Variants in HOXC5 observed in about 807,000 individuals in gnomAD.
The protein encoded by HOXC5 is homeobox protein Hox-C5.
A neutral mutation model predicts 20.1 loss-of-function variants in HOXC5; 19 were observed. The observed-to-expected ratio is 0.94, with a 90% CI of 0.66 to 1.38. The LOEUF (loss-of-function observed/expected upper bound fraction) is 1.38, where lower values mean the gene tolerates loss of function less well. HOXC5 is among the 40% of genes most tolerant of loss of function. The probability of loss-of-function intolerance (pLI) is 0.00; values close to 1 mark genes in which losing one functional copy is unlikely to be tolerated. For synonymous variants in HOXC5, 124 were observed against 117.0 expected (o/e 1.06, Z -0.39); for missense variants, 330 against 300.1 (o/e 1.10, Z -0.74).
At chr12:54,033,014 C>G, upstream of HOXC5, 1 of 805,982 alleles carries the variant, frequency 1.2e-6, no homozygotes, top group African/African-American at 1.7e-5. Context: ...AGAGATATCT[C>G]CACCTATAAA....
chr12:54,034,669 T>C lies in HOXC5; in HGVS notation c.*177T>C, dbSNP rs1941134291. On this transcript the variant is annotated 3_prime_UTR_variant, in exon 2 of 2. Coordinates refer to ENST00000312492, the MANE Select transcript of HOXC5 (RefSeq NM_018953.4). ...ATTCCGCATCCCTACCGACCCAGGG[T>C]TCCCGCGGGGCTGTCGGCGCTGCCC... 5 of 592,418 alleles carry C rather than the reference T, an allele frequency of 8.4e-6. No individual in the cohort carries two copies. In the Admixed American group the frequency reaches 1.5e-4, roughly 18 times the overall value. The allele number at this position is 592,418 out of a possible 1,614,324, so 36.7% of individuals were successfully genotyped here.
Position 54,034,835 on chromosome 12 carries a change from G to C in HOXC5, c.*343G>C, listed in dbSNP as rs1941140274. On this transcript the variant is annotated 3_prime_UTR_variant, in exon 2 of 2. Transcript: ENST00000312492. ...TATCTCCGGCTCCCAGCCTCAGCGC[G>C]GCCCTCCCGAGTTAAGGTGGGCCCG... 2 of 313,826 alleles carry C rather than the reference G, an allele frequency of 6.4e-6. No individual in the cohort carries two copies. The highest frequency in any genetic ancestry group is 1.2e-5 in the Non-Finnish European group (2 of 163,512). The allele number at this position is 313,826 out of a possible 1,614,324, so 19.4% of individuals were successfully genotyped here.
rs753488792 is a variant in HOXC5, at chr12:54,033,490, C to A, written c.368C>A (p.Ala123Glu). The change falls in exon 1 of 2, where the codon GCG becomes GAG. Residue 123 changes from alanine to glutamate, a missense_variant. Ala to Glu is a moderately radical substitution (Grantham distance 107). Coordinates refer to ENST00000312492, the MANE Select transcript of HOXC5 (RefSeq NM_018953.4). ...AGTGGGGAGATCAAAGAGGAGCAGG[C>A]GCAGACAGGGCAGCCCGCCGGACTG... ...KSSGEIKEEQ[A>E]QTGQPAGLSQ... 3 of 1,592,684 alleles carry A rather than the reference C, an allele frequency of 1.9e-6. No individual in the cohort carries two copies. The highest frequency in any genetic ancestry group is 1.1e-5 in the South Asian group (1 of 89,046).
Position 54,033,112 on chromosome 12 carries a change from C to T in HOXC5, c.-11C>T. ...AAAAGGGTGCAGAAATTTTTTTGGG[C>T]CCTCCCCGCCATGAGCTCCTACGTA... On this transcript the variant is annotated 5_prime_UTR_variant, in exon 1 of 2. Coordinates refer to ENST00000312492, the MANE Select transcript of HOXC5 (RefSeq NM_018953.4). 6.3e-7 allele frequency: 1 copy of T among 1,588,276 alleles called. No homozygotes were observed. The highest frequency in any genetic ancestry group is 8.6e-7 in the Non-Finnish European group (1 of 1,163,242).
At chr12:54,028,825 C>G, upstream of HOXC5, 1 of 1,614,160 alleles carries the variant, frequency 6.2e-7, no homozygotes, top group Non-Finnish European at 8.5e-7. Flanking sequence ...CTCAATCGCT[C>G]AGGATTTTAG....
Position 54,034,762 on chromosome 12 carries a change from A to C in HOXC5, c.*270A>C. ...GGCAAGCTCCGCAGGACTTCCCCGG[A>C]GGGCTGCGGCGTACAGGCTGGCGCA... On this transcript the variant is annotated 3_prime_UTR_variant, in exon 2 of 2. Coordinates refer to ENST00000312492, the MANE Select transcript of HOXC5 (RefSeq NM_018953.4). 1 of 462,614 alleles carries C rather than the reference A, an allele frequency of 2.2e-6. No homozygotes were observed. The highest frequency in any genetic ancestry group is 4.0e-6 in the Non-Finnish European group (1 of 250,516). The allele number at this position is 462,614 out of a possible 1,614,324, so 28.7% of individuals were successfully genotyped here.
At chr12:54,021,475 G>C in the HOXC5 span, 1 of 152,184 alleles carries the variant, frequency 6.6e-6, no homozygotes, top group African/African-American at 2.4e-5. Flanking sequence ...TTCCCTTCCA[G>C]AGACACAAAA....
upstream of HOXC5, among the ~76,000 whole-genome samples, chr12:54,032,599 G>A (rs1244318554): frequency 6.6e-6 from 1 of 152,140 alleles, no homozygotes; most frequent in African/African-American, 2.4e-5. Flanking sequence ...GTTATAAGTG[G>A]GGCCTCGTCT....
At chr12:54,024,228 G>C in the HOXC5 span, among the ~76,000 whole-genome samples, 1 of 152,130 alleles carries the variant, frequency 6.6e-6, no homozygotes, top group Non-Finnish European at 1.5e-5. Flanking sequence ...GCTCAGAAAA[G>C]TGAGACTTGG....
Position 54,034,311 on chromosome 12 carries a change from C to T in HOXC5, c.488C>T (p.Thr163Met), listed in dbSNP as rs774117611. 6.2e-7 allele frequency: 1 copy of T among 1,614,130 alleles called. No homozygotes were observed. The highest frequency in any genetic ancestry group is 1.3e-5 in the African/African-American group (1 of 75,066). Residue 163 changes from threonine to methionine, a missense_variant, in exon 2 of 2, where the codon ACG becomes ATG. Physicochemically the swap from Thr to Met is moderately conservative, Grantham distance 81. Coordinates refer to ENST00000312492, the MANE Select transcript of HOXC5 (RefSeq NM_018953.4). ...TDGKRSRTSY[T>M]RYQTLELEKE... Reference sequence around the variant, plus strand: ...GGCAAGCGGTCCCGAACCAGTTACACGCGCTACCAGACTCTGGAACTCGAG... The same window carrying T: ...GGCAAGCGGTCCCGAACCAGTTACATGCGCTACCAGACTCTGGAACTCGAG...
At chr12:54,019,618 A>G in the HOXC5 span, among the ~76,000 whole-genome samples, 1 of 152,056 alleles carries the variant, frequency 6.6e-6, no homozygotes, top group Non-Finnish European at 1.5e-5. Context: ...AACCTTTTCC[A>G]GAGAAGGCCA....
the HOXC5 span, among the ~76,000 whole-genome samples, chr12:54,018,803 G>A: frequency 1.3e-5 from 2 of 152,074 alleles, no homozygotes; most frequent in African/African-American, 4.8e-5. Flanking sequence ...GAACCTGGGG[G>A]CCAGACTTAC....
chr12:54,032,972 C>T (rs549161061), upstream of HOXC5: 105 of 663,496 alleles, frequency 1.6e-4, 1 homozygote, highest in South Asian at 2.1e-3. Flanking sequence ...TTTAAGGCTC[C>T]CTTATTTGGG....
At chr12:54,025,837 C>G in the HOXC5 span, among the ~76,000 whole-genome samples, 2,440 of 152,212 alleles carry the variant, frequency 0.016, 170 homozygotes, top group East Asian at 0.2. Flanking sequence ...CCTTTCCTCT[C>G]CAGACATGGT....
chr12:54,024,330 C>T, the HOXC5 span, among the ~76,000 whole-genome samples: 5 of 152,146 alleles, frequency 3.3e-5, no homozygotes, highest in Non-Finnish European at 5.9e-5. Flanking sequence ...AGTCCTGAGG[C>T]TCCAGTGCTT....
rs1941060005 is a variant in HOXC5 at position 54,033,308 on chromosome 12, C to T, written c.186C>T (p.Asp62=). ...CTTCCAACTCTCTCCACGGGGTAGA[C>T]ATGGCTGCCAACCCCCGGGCTCACC... ...PAPSNSLHGV[D]MAANPRAHPD... Residue 62 remains aspartate (D), a synonymous_variant, in exon 1 of 2, where the codon GAC becomes GAT. Transcript: ENST00000312492. 1.9e-6 allele frequency: 3 copies of T among 1,614,124 alleles called. No homozygotes were observed. In the East Asian group the frequency reaches 6.7e-5, roughly 36 times the overall value.
At chr12:54,033,981 C>T in intron 1 of HOXC5, 2 of 552,112 alleles carry the variant, frequency 3.6e-6, no homozygotes, top group South Asian at 3.4e-5. Context: ...GTCCCCGGTG[C>T]TCGGATCTCG....
chr12:54,028,070 T>C (rs886416773), upstream of HOXC5, among the ~76,000 whole-genome samples: 4 of 151,998 alleles, frequency 2.6e-5, no homozygotes, highest in Non-Finnish European at 5.9e-5. Flanking sequence ...GGGGCAGATA[T>C]AAAACATGAA....
upstream of HOXC5, chr12:54,030,233 G>A (rs1940931448): frequency 6.2e-6 from 2 of 323,482 alleles, no homozygotes; most frequent in South Asian, 7.8e-5. Flanking sequence ...CAGGCCTTGG[G>A]GGCTCGGACC....
Sources: allele counts gnomAD v4.1 joint callset (sites outside exome capture counted in the v4.1 genomes callset), GRCh38; gene constraint gnomAD v4.1.1; transcripts MANE v1.5; gene names NCBI Gene and HGNC (gene_info 2026-07-23, HGNC 2026-07-21).